The following NDEL1 variants were observed in gnomAD, a reference collection of about 807,000 sequenced individuals.
NDEL1 encodes the protein nuclear distribution protein nudE-like 1.
Under a neutral mutation model 45.7 loss-of-function variants are expected in NDEL1, and 9 were observed. The ratio of observed to expected loss-of-function variants is 0.20; its 90% confidence interval spans 0.12 to 0.34. The LOEUF (loss-of-function observed/expected upper bound fraction) is 0.34, where lower values mean the gene tolerates loss of function less well. Ranked by LOEUF, NDEL1 falls within the 10% of genes least tolerant of loss-of-function variation. The pLI, the probability that NDEL1 is intolerant of heterozygous loss-of-function variation, is 1.00. For missense variants in NDEL1, 306 were observed against 406.2 expected (o/e 0.75, Z 2.12); for synonymous variants, 133 against 158.6 (o/e 0.84, Z 1.21).
At chr17:8,437,106 T>A (rs562073500) in intron 1 of NDEL1, among the ~76,000 whole-genome samples, 1 of 152,352 alleles carries the variant, frequency 6.6e-6, no homozygotes, top group East Asian at 1.9e-4. Flanking sequence ...CCTGTGAAGC[T>A]TGTTCAGGAG....
rs1453991823 is a variant in NDEL1 at position 8,450,831 on chromosome 17, A to G, written c.578A>G (p.Lys193Arg). 1 of 1,612,558 alleles carries G rather than the reference A, an allele frequency of 6.2e-7. No homozygotes were observed. Among genetic ancestry groups the G allele is most frequent in the Admixed American group, 1.7e-5 (1 of 59,636 alleles). Residue 193 changes from lysine (K) to arginine (R), a missense_variant, in exon 6 of 9, where the codon AAG becomes AGG. By Grantham distance (26) the Lys-to-Arg change is conservative. Transcript: ENST00000334527. The part of the protein sequence containing the change: ...VRERQQEVTR[K>R]SAPSSPTLDC... ...GAAAGACAACAGGAAGTAACTAGAAAGTCGGCTCCTAGCTCTCCAACTCTA... is the reference window on the plus strand; with the variant it reads ...GAAAGACAACAGGAAGTAACTAGAAGGTCGGCTCCTAGCTCTCCAACTCTA...
chr17:8,432,688 G>T (rs995921790), upstream of NDEL1, among the ~76,000 whole-genome samples: 5 of 151,944 alleles, frequency 3.3e-5, no homozygotes, highest in African/African-American at 1.2e-4. Context: ...CTGGCCTAAA[G>T]ATTTTTTAAG....
chr17:8,461,236 C>G (rs562681812), intron 8 of NDEL1: 2 of 152,156 alleles, frequency 1.3e-5, no homozygotes, highest in Non-Finnish European at 2.9e-5. Flanking sequence ...GGAGCAGATT[C>G]GACACACGGT....
chr17:8,418,022 C>A (rs1908596256), intron 1 of NDEL1, among the ~76,000 whole-genome samples: 1 of 152,216 alleles, frequency 6.6e-6, no homozygotes, highest in Admixed American at 6.5e-5. Flanking sequence ...AAGTAGCCCG[C>A]ACCTCCAGTT....
chr17:8,428,525 C>T (rs1381910331), intron 1 of NDEL1, among the ~76,000 whole-genome samples: 5 of 151,328 alleles, frequency 3.3e-5, no homozygotes, highest in South Asian at 2.1e-4. Context: ...CCACCACACC[C>T]GGCTACTTTT....
chr17:8,469,861 A>ATTTTT (rs762773754), downstream of NDEL1, among the ~76,000 whole-genome samples: 3 of 128,648 alleles, frequency 2.3e-5, no homozygotes, highest in Non-Finnish European at 3.2e-5. Flanking sequence ...TGCCTGGCTA[A>ATTTTT]TTTTTTTTTT....
intron 7 of NDEL1, among the ~76,000 whole-genome samples, chr17:8,459,353 GTGT>G: frequency 6.6e-6 from 1 of 152,140 alleles, no homozygotes; most frequent in Non-Finnish European, 1.5e-5. Flanking sequence ...TGCTTGCCAG[GTGT>G]TGTGGTGACA....
chr17:8,451,969 C>G (rs999294926), intron 6 of NDEL1, among the ~76,000 whole-genome samples: 3 of 152,150 alleles, frequency 2.0e-5, no homozygotes, highest in African/African-American at 7.2e-5. Context: ...GTTTCTTTGT[C>G]ACATTAACCA....
intron 1 of NDEL1, among the ~76,000 whole-genome samples, chr17:8,443,005 T>C (rs1175986168): frequency 6.6e-6 from 1 of 151,642 alleles, no homozygotes; most frequent in Non-Finnish European, 1.5e-5. Context: ...GGTCTCAATC[T>C]CCTGACCTCG....
chr17:8,413,681 G>C (rs1302435330), intron 1 of NDEL1, among the ~76,000 whole-genome samples: 1 of 152,198 alleles, frequency 6.6e-6, no homozygotes, highest in Non-Finnish European at 1.5e-5. Context: ...TTAGGGGCTT[G>C]CGATCATGTC....
upstream of NDEL1, among the ~76,000 whole-genome samples, chr17:8,432,345 TAAATATAAATATA>T: frequency 5.7e-4 from 3 of 5,284 alleles, no homozygotes; most frequent in East Asian, 0.025. Flanking sequence ...ATATTATATA[TAAATATAAATATA>T]AATATATATA....
At chr17:8,450,701 G>A in intron 5 of NDEL1, 79 bp from the exon 6 acceptor site, 1 of 1,254,036 alleles carries the variant, frequency 8.0e-7, no homozygotes. Flanking sequence ...AGACCTTTAT[G>A]ACATTTTAGA....
chr17:8,421,098 A>G (rs932831059), intron 1 of NDEL1, among the ~76,000 whole-genome samples: 76 of 152,234 alleles, frequency 5.0e-4, no homozygotes, highest in African/African-American at 1.8e-3. Flanking sequence ...TCAATTCTAT[A>G]GTTTCATAGA....
intron 1 of NDEL1, among the ~76,000 whole-genome samples, chr17:8,413,956 G>A (rs1475008142): frequency 6.6e-6 from 1 of 152,168 alleles, no homozygotes; most frequent in African/African-American, 2.4e-5. Context: ...CATTGAAAGT[G>A]TTTGCATAAT....
At position 8,436,950 on chromosome 17, in the gene NDEL1, G is replaced by T. The variant is rs143084569; in HGVS notation, c.-13+905G>T. On this transcript the variant is annotated intron_variant, in intron 1 of 8. Transcript: ENST00000334527. The stretch of plus-strand genomic sequence containing the variant: ...TCGGAGTTCTGGTTTCTTTTCGTGG[G>T]ATTTTTATACCCTTCTCAGCTACAA... Among the ~76,000 whole-genome samples the T allele has an allele frequency of 2.7e-3, 409 of 152,206 alleles. 4 individuals are homozygous for T. Among genetic ancestry groups the T allele is most frequent in the Non-Finnish European group, 4.0e-3 (271 of 68,022 alleles).
At position 8,463,316 on chromosome 17, in the gene NDEL1, T is replaced by C. The variant is rs1911347610; in HGVS notation, c.944+3156T>C. On this transcript the variant is annotated intron_variant, in intron 8 of 8. Transcript: ENST00000334527. Reference sequence around the variant, plus strand: ...GTTTAATATGTTCTCCTTTCTTTTATTAGGCAAGAAAAAGTCATATTTCCC... The same window carrying C: ...GTTTAATATGTTCTCCTTTCTTTTACTAGGCAAGAAAAAGTCATATTTCCC... 6 of 1,611,084 alleles carry C rather than the reference T, an allele frequency of 3.7e-6. No individual in the cohort carries two copies. In the Admixed American group the frequency reaches 1.0e-4, roughly 27 times the overall value.
At chr17:8,450,688 A>T (rs1451762813) in intron 5 of NDEL1, 92 bp from the exon 6 acceptor site, 1 of 1,107,444 alleles carries the variant, frequency 9.0e-7, no homozygotes, top group African/African-American at 1.7e-5. Flanking sequence ...TAATTTAGGA[A>T]GAAGACCTTT....
chr17:8,470,952 C>A (rs559959247), downstream of NDEL1, among the ~76,000 whole-genome samples: 2 of 152,196 alleles, frequency 1.3e-5, no homozygotes, highest in Non-Finnish European at 2.9e-5. This position sits in a 1 kb window ranked among gnomAD's most constrained non-coding sequence, Gnocchi z 4.2. Flanking sequence ...TGGAAGCTGG[C>A]ACTTCTGGGA....
intron 7 of NDEL1, among the ~76,000 whole-genome samples, chr17:8,458,219 A>G (rs1022390374): frequency 1.3e-5 from 2 of 150,442 alleles, no homozygotes; most frequent in Non-Finnish European, 3.0e-5. Flanking sequence ...ATGCTGTTTC[A>G]TGGCTGCTCC....
Sources: allele counts gnomAD v4.1 joint callset (sites outside exome capture counted in the v4.1 genomes callset), GRCh38; gene constraint gnomAD v4.1.1; non-coding constraint Gnocchi (gnomAD v3.1); transcripts MANE v1.5; gene names NCBI Gene and HGNC (gene_info 2026-07-23, HGNC 2026-07-21).